Variants in GID4 observed in about 807,000 individuals in gnomAD.
The protein encoded by GID4 is glucose-induced degradation protein 4 homolog.
Under a neutral mutation model 32.4 loss-of-function variants are expected in GID4, and 7 were observed. That is an observed-to-expected ratio of 0.22 (90% CI 0.12 to 0.41). The LOEUF is 0.41. Ranked by LOEUF, GID4 falls within the 10% of genes least tolerant of loss-of-function variation. The pLI, the probability that GID4 is intolerant of heterozygous loss-of-function variation, is 1.00. For missense variants in GID4, 309 were observed against 400.0 expected (o/e 0.77, Z 1.94); for synonymous variants, 166 against 170.0 (o/e 0.98, Z 0.18).
chr17:18,048,801 C>T (rs977301121), intron 2 of GID4, among the ~76,000 whole-genome samples: 3 of 151,560 alleles, frequency 2.0e-5, no homozygotes, highest in African/African-American at 4.8e-5. Context: ...TGCCACCACA[C>T]CTGGCTAATT....
intron 2 of GID4, among the ~76,000 whole-genome samples, chr17:18,049,730 C>G (rs2145558105): frequency 6.6e-6 from 1 of 152,182 alleles, no homozygotes; most frequent in South Asian, 2.1e-4. Context: ...CCTCTGCCTC[C>G]CAGGTTCAAG....
At chr17:18,040,901 GT>G (rs1281151439) in intron 1 of GID4, among the ~76,000 whole-genome samples, 3 of 152,172 alleles carry the variant, frequency 2.0e-5, no homozygotes, top group Non-Finnish European at 4.4e-5. Context: ...CCTGCTGCCA[GT>G]CCCTGATCAG....
At position 18,065,517 on chromosome 17, in the gene GID4, A is replaced by C. The variant is rs1046192572; in HGVS notation, c.*274A>C. ...CCTTAAACGCACTTTTCCTTCCTGC[A>C]CAGCTAACTTCTACATCACTGAAAT... On this transcript the variant is annotated 3_prime_UTR_variant, in exon 6 of 6. Coordinates refer to ENST00000268719, the MANE Select transcript of GID4 (RefSeq NM_024052.5). 6.6e-6 allele frequency: 3 copies of C among 451,384 alleles called. No homozygotes were observed. The highest frequency in any genetic ancestry group is 1.2e-5 in the Non-Finnish European group (3 of 243,864). 28.0% of individuals were successfully genotyped at this position (451,384 alleles called of 1,614,324 possible). A position where few individuals can be genotyped will look rare whatever the true frequency, so the allele number is the denominator to read the frequency against.
chr17:18,039,408 G>GTGTGTGTGTC lies in GID4; in HGVS notation c.-47_-38dup. 8.0e-7 allele frequency: 1 copy of GTGTGTGTGTC among 1,243,760 alleles called. No homozygotes were observed. The highest frequency in any genetic ancestry group is 1.1e-6 in the Non-Finnish European group (1 of 928,436). 77.0% of individuals were successfully genotyped at this position (1,243,760 alleles called of 1,614,324 possible). ...CTGAGCCAATCGGAAGGGGCGGGGT[G>GTGTGTGTGTC]TGTGTGTGTCTGTGTGTGTTTGTGT... On this transcript the variant is annotated 5_prime_UTR_variant, in exon 1 of 6. Transcript: ENST00000268719. This position sits in a 1 kb window ranked among gnomAD's most constrained non-coding sequence, Gnocchi z 5.3.
At chr17:18,047,001 T>G (rs2044860754) in intron 2 of GID4, among the ~76,000 whole-genome samples, 1 of 151,910 alleles carries the variant, frequency 6.6e-6, no homozygotes, top group Non-Finnish European at 1.5e-5. Flanking sequence ...GGAAAGAATG[T>G]TAGAGAAAAT....
chr17:18,060,738 T>G (rs2045011518), intron 4 of GID4, among the ~76,000 whole-genome samples: 1 of 150,372 alleles, frequency 6.7e-6, no homozygotes, highest in South Asian at 2.1e-4. Context: ...TTTTTTTGTT[T>G]GTTTGTTTGT....
At position 18,045,170 on chromosome 17, in the gene GID4, C is replaced by T. The variant is rs749649503; in HGVS notation, c.462C>T (p.Tyr154=). 2 of 1,613,646 alleles carry T rather than the reference C, an allele frequency of 1.2e-6. No homozygotes were observed. The highest frequency in any genetic ancestry group is 2.2e-5 in the South Asian group (2 of 91,072). The change falls in exon 2 of 6, where the codon TAC becomes TAT. Residue 154 remains tyrosine, a synonymous_variant. Coordinates refer to ENST00000268719, the MANE Select transcript of GID4 (RefSeq NM_024052.5). The stretch of plus-strand genomic sequence containing the variant: ...AGCACGTGGACACGGGGAACTCTTA[C>T]CTTTGTGGGTACTTGAAGATTAAAG... ...VLQHVDTGNS[Y]LCGYLKIKGL...
chr17:18,061,517 T>G lies in GID4; in HGVS notation c.709-328T>G, dbSNP rs781621026. On this transcript the variant is annotated intron_variant, in intron 4 of 5. Coordinates refer to ENST00000268719, the MANE Select transcript of GID4 (RefSeq NM_024052.5). This position sits in a 1 kb window ranked among gnomAD's most constrained non-coding sequence, Gnocchi z 4.4. The stretch of plus-strand genomic sequence containing the variant: ...TTGATTGTCTGTGGTCTCTGAAAGA[T>G]AGAGAGGCAGGCAGACAGGCAGGTG... Among the ~76,000 whole-genome samples the G allele has an allele frequency of 3.3e-5, 5 of 152,142 alleles. No individual in the cohort carries two copies. Among genetic ancestry groups the G allele is most frequent in the Non-Finnish European group, 5.9e-5 (4 of 68,024 alleles).
At chr17:18,059,303 A>G (rs531967441) in intron 4 of GID4, among the ~76,000 whole-genome samples, 2 of 152,014 alleles carry the variant, frequency 1.3e-5, no homozygotes, top group East Asian at 3.9e-4. Flanking sequence ...AAGTTGAATC[A>G]CTCCAAGTGT....
chr17:18,056,349 T>TCTTGTCA (rs1264311638), intron 3 of GID4, among the ~76,000 whole-genome samples: 43 of 152,232 alleles, frequency 2.8e-4, no homozygotes, highest in African/African-American at 1.0e-3. Context: ...AAGACCTGAG[T>TCTTGTCA]ATCCAGAAGG....
intron 2 of GID4, among the ~76,000 whole-genome samples, chr17:18,048,473 G>A (rs911727073): frequency 2.0e-5 from 3 of 151,810 alleles, no homozygotes; most frequent in African/African-American, 4.8e-5. Context: ...GATTACAGGC[G>A]TGAGCCAACG....
intron 2 of GID4, among the ~76,000 whole-genome samples, chr17:18,047,031 C>G (rs2044860977): frequency 6.6e-6 from 1 of 151,664 alleles, no homozygotes; most frequent in African/African-American, 2.4e-5. Context: ...AAATATGGTA[C>G]TAATATGTGA....
chr17:18,059,381 C>G (rs913393804), intron 4 of GID4, among the ~76,000 whole-genome samples: 1 of 152,182 alleles, frequency 6.6e-6, no homozygotes, highest in African/African-American at 2.4e-5. Flanking sequence ...GATCCCTCTA[C>G]AGGCTTAAAC....
At chr17:18,062,627 A>T (rs540222707) in intron 5 of GID4, among the ~76,000 whole-genome samples, 6 of 152,166 alleles carry the variant, frequency 3.9e-5, no homozygotes, top group Non-Finnish European at 8.8e-5. Context: ...CCAGTATTTA[A>T]CACTTTGTTA....
chr17:18,041,662 G>A lies in GID4; in HGVS notation c.438+1760G>A, dbSNP rs565428487. 3.3e-5 allele frequency among the ~76,000 whole-genome samples: 5 copies of A among 152,332 alleles called. No individual in the cohort carries two copies. In the East Asian group the frequency reaches 9.6e-4, roughly 29 times the overall value. Reference sequence around the variant, plus strand: ...GAGGTGAGATCCCTGGGTGGGTCACGTTTGGGATGATCTTGGATTTGTCCC... The same window carrying A: ...GAGGTGAGATCCCTGGGTGGGTCACATTTGGGATGATCTTGGATTTGTCCC... On this transcript the variant is annotated intron_variant, in intron 1 of 5. Transcript: ENST00000268719.
chr17:18,060,713 T>C (rs759954673), intron 4 of GID4, among the ~76,000 whole-genome samples: 5 of 150,816 alleles, frequency 3.3e-5, no homozygotes, highest in Non-Finnish European at 7.4e-5. Flanking sequence ...CCACCACGCC[T>C]GGCTAATTTT....
intron 2 of GID4, among the ~76,000 whole-genome samples, chr17:18,045,725 C>T (rs1162014860): frequency 6.6e-6 from 1 of 150,772 alleles, no homozygotes. Context: ...CCCATCTCTA[C>T]TAAACATAAA....
At chr17:18,042,915 T>TTTG (rs374033270) in intron 1 of GID4, among the ~76,000 whole-genome samples, 2 of 152,196 alleles carry the variant, frequency 1.3e-5, no homozygotes, top group African/African-American at 4.8e-5. Context: ...TTCTTGTGTT[T>TTTG]TTGTTGTTGT....
At chr17:18,059,008 G>A (rs906797860) in intron 4 of GID4, 39 bp downstream of exon 4, 1 of 1,194,106 alleles carries the variant, frequency 8.4e-7, no homozygotes, top group African/African-American at 1.5e-5. Context: ...CTCCCAGCAA[G>A]CCAGGCCCTG....
Sources: allele counts gnomAD v4.1 joint callset (sites outside exome capture counted in the v4.1 genomes callset), GRCh38; gene constraint gnomAD v4.1.1; non-coding constraint Gnocchi (gnomAD v3.1); transcripts MANE v1.5; gene names NCBI Gene and HGNC (gene_info 2026-07-23, HGNC 2026-07-21).